The following RELN variants were observed in gnomAD, a reference collection of about 807,000 sequenced individuals.
RELN encodes the protein reelin.
Under a neutral mutation model 427.6 loss-of-function variants are expected in RELN, and 108 were observed. The ratio of observed to expected loss-of-function variants is 0.25; its 90% CI spans 0.22 to 0.30. The LOEUF is 0.30. Among genes scored for constraint, RELN ranks in the 10% least tolerant of loss-of-function variants. The pLI, the probability that RELN is intolerant of heterozygous loss-of-function variation, is 1.00. For synonymous variants in RELN, 1,524 were observed against 1,513.4 expected (o/e 1.01, Z -0.16); for missense variants, 3,715 against 4,302.8 (o/e 0.86, Z 3.82).
chr7:103,573,000 G>A (rs758611264), intron 30 of RELN, among the ~76,000 whole-genome samples: 2 of 152,194 alleles, frequency 1.3e-5, no homozygotes, highest in Middle Eastern at 3.4e-3. Flanking sequence ...GTGCAGTGGC[G>A]CGATCTTGAC....
intron 1 of RELN, among the ~76,000 whole-genome samples, chr7:103,983,696 G>A (rs2116847783): frequency 6.6e-6 from 1 of 152,258 alleles, no homozygotes; most frequent in South Asian, 2.1e-4. Flanking sequence ...AAGTCAATTT[G>A]CCTTTTAACG....
chr7:103,540,915 GT>G (rs746408139), intron 43 of RELN, among the ~76,000 whole-genome samples: 111 of 152,178 alleles, frequency 7.3e-4, no homozygotes, highest in Non-Finnish European at 1.1e-3. Context: ...TTCTTCTAAG[GT>G]TTCACCAGTC....
In RELN at chr7:103,703,462, T is replaced by A. The variant is rs139038229; in HGVS notation, c.806-2456A>T. ...GAGTTAGTCATTGTTCACCCCTTTGTCATGTGCCCAGGTGCTTAATGTCAC... is the reference window on the plus strand; with the variant it reads ...GAGTTAGTCATTGTTCACCCCTTTGACATGTGCCCAGGTGCTTAATGTCAC... On this transcript the variant is annotated intron_variant, in intron 8 of 64. Transcript: ENST00000428762. Among the ~76,000 whole-genome samples, 1,446 of 152,220 alleles carry A rather than the reference T, an allele frequency of 9.5e-3. 18 individuals are homozygous for A. Among genetic ancestry groups the A allele is most frequent in the African/African-American group, 0.033 (1,377 of 41,518 alleles).
chr7:103,557,726 T>C (rs1017537458), intron 37 of RELN, among the ~76,000 whole-genome samples: 1 of 152,200 alleles, frequency 6.6e-6, no homozygotes, highest in East Asian at 1.9e-4. Flanking sequence ...TAAATTTAAC[T>C]ACCATAGAAC....
chr7:103,570,871 AT>A (rs1287940955), intron 31 of RELN, among the ~76,000 whole-genome samples: 1 of 152,208 alleles, frequency 6.6e-6, no homozygotes, highest in African/African-American at 2.4e-5. Context: ...TTATTGCAGC[AT>A]AACCTACCTC....
At chr7:103,826,386 A>G (rs1418013575) in intron 3 of RELN, among the ~76,000 whole-genome samples, 4 of 151,744 alleles carry the variant, frequency 2.6e-5, no homozygotes, top group African/African-American at 9.7e-5. Context: ...ACATATCTAA[A>G]TAGGTCACAG....
Position 103,539,066 on chromosome 7 carries a change from C to T in RELN, c.7180+12G>A, listed in dbSNP as rs142041722. The T allele has an allele frequency of 1.2e-4, 199 of 1,613,688 alleles. No homozygotes were observed. The highest frequency in any genetic ancestry group is 1.2e-3 in the African/African-American group (91 of 75,026). On this transcript the variant is annotated intron_variant, in intron 45 of 64. Coordinates refer to ENST00000428762, the MANE Select transcript of RELN (RefSeq NM_005045.4). ...ACATGCCTGTCCCTCTATCTGGAGA[C>T]GGCATACTCACCATAACAAGAGTCT...
chr7:103,611,278 A>G (rs747589015), intron 21 of RELN, among the ~76,000 whole-genome samples: 1 of 152,226 alleles, frequency 6.6e-6, no homozygotes, highest in African/African-American at 2.4e-5. Flanking sequence ...AGGTAGAGAC[A>G]GATGAAGACA....
chr7:103,615,776 G>A (rs543134857), intron 20 of RELN, among the ~76,000 whole-genome samples: 6 of 152,298 alleles, frequency 3.9e-5, no homozygotes, highest in Non-Finnish European at 8.8e-5. Flanking sequence ...ATGAGCATGT[G>A]AGTAAGGTCC....
chr7:103,874,647 C>A (rs964119875), intron 2 of RELN, among the ~76,000 whole-genome samples: 9 of 147,472 alleles, frequency 6.1e-5, no homozygotes, highest in African/African-American at 2.0e-4. Flanking sequence ...ATCCAACTTA[C>A]AAGGGATGTG....
intron 64 of RELN, among the ~76,000 whole-genome samples, chr7:103,474,310 TATAAA>T (rs1306698969): frequency 6.6e-6 from 1 of 152,150 alleles, no homozygotes; most frequent in Non-Finnish European, 1.5e-5. Context: ...ATACATATTT[TATAAA>T]ATAAAAAAGG....
chr7:103,928,454 T>A lies in RELN; in HGVS notation c.227-11269A>T, dbSNP rs76897540. 1.9e-3 allele frequency among the ~76,000 whole-genome samples: 295 copies of A among 152,318 alleles called. 5 individuals are homozygous for A. The East Asian group carries it at 0.046, about 24-fold the overall frequency. ...GGGATAAAGCCCAGGAATCAGCATA[T>A]TTAACAATGTCCATCTAGGTGGATT... On this transcript the variant is annotated intron_variant, in intron 1 of 64. Transcript: ENST00000428762.
chr7:103,796,568 T>A (rs1182369430), intron 3 of RELN, among the ~76,000 whole-genome samples: 1 of 152,122 alleles, frequency 6.6e-6, no homozygotes, highest in Non-Finnish European at 1.5e-5. Context: ...TTAGAGTCTG[T>A]AGAAAGTAAA....
At chr7:103,717,952 A>T (rs1327629919) in intron 8 of RELN, among the ~76,000 whole-genome samples, 1 of 152,192 alleles carries the variant, frequency 6.6e-6, no homozygotes, top group Non-Finnish European at 1.5e-5. Flanking sequence ...AGTAATTAAG[A>T]TGTTTATGAA....
intron 50 of RELN, among the ~76,000 whole-genome samples, chr7:103,511,989 A>T (rs2117066711): frequency 6.6e-6 from 1 of 152,266 alleles, no homozygotes; most frequent in Admixed American, 6.5e-5. Context: ...TGTGGTTTTT[A>T]GTTTTTGTTG....
intron 50 of RELN, among the ~76,000 whole-genome samples, 178 bp downstream of exon 50, chr7:103,515,007 G>T (rs1247093120): frequency 6.6e-6 from 1 of 152,138 alleles, no homozygotes; most frequent in African/African-American, 2.4e-5. Flanking sequence ...TGAAAGAAAA[G>T]ATTTAGTTAA....
chr7:103,813,575 T>C (rs1792796702), intron 3 of RELN, among the ~76,000 whole-genome samples: 1 of 152,088 alleles, frequency 6.6e-6, no homozygotes, highest in Admixed American at 6.5e-5. Context: ...CATACATATA[T>C]ATATGTACGT....
At chr7:103,720,693 T>C (rs1790055159) in intron 8 of RELN, among the ~76,000 whole-genome samples, 1 of 152,124 alleles carries the variant, frequency 6.6e-6, no homozygotes, top group Admixed American at 6.6e-5. Context: ...TGCTATTGGA[T>C]TGGTTGGATT....
At chr7:103,662,303 G>A (rs561458753) in intron 11 of RELN, among the ~76,000 whole-genome samples, 2 of 152,256 alleles carry the variant, frequency 1.3e-5, no homozygotes, top group South Asian at 2.1e-4. Flanking sequence ...ATGTGTTGAC[G>A]AAATCACATG....
Sources: gnomAD v4.1 joint callset for allele counts (sites outside exome capture counted in the v4.1 genomes callset) on GRCh38, gnomAD v4.1.1 for gene constraint, MANE v1.5 for transcripts, NCBI Gene and HGNC (gene_info 2026-07-23, HGNC 2026-07-21) for gene names.